The following RIN2 variants were observed in gnomAD, a reference collection of about 807,000 sequenced individuals.
RIN2 encodes RAB5 interacting protein 2.
Under a neutral mutation model 78.0 loss-of-function variants are expected in RIN2, and 36 were observed. The observed-to-expected ratio is 0.46, with a 90% CI of 0.35 to 0.61. RIN2 has a LOEUF of 0.61. Among genes scored for constraint, RIN2 ranks in the 20% least tolerant of loss-of-function variants. The pLI is 0.00. For synonymous variants in RIN2, 466 were observed against 466.8 expected (o/e 1.00, Z 0.02); for missense variants, 1,087 against 1,159.7 (o/e 0.94, Z 0.91).
At chr20:19,886,968 C>T (rs1330478318) in intron 2 of RIN2, among the ~76,000 whole-genome samples, 3 of 151,808 alleles carry the variant, frequency 2.0e-5, no homozygotes. Context: ...AAAACTATAG[C>T]TAACTATAGC....
chr20:19,977,269 T>G (rs995733166), intron 9 of RIN2, among the ~76,000 whole-genome samples: 1 of 152,188 alleles, frequency 6.6e-6, no homozygotes, highest in Non-Finnish European at 1.5e-5. Flanking sequence ...CCACAGTGCC[T>G]GGCCTTCCCT....
chr20:19,896,264 C>T lies in RIN2; in HGVS notation c.57+6606C>T, dbSNP rs186738015. On this transcript the variant is annotated intron_variant, in intron 3 of 12. Transcript: ENST00000255006. ...AGTGCAGTGACATGATCTTGGCTCG[C>T]GGCAGCCTCCGGCTCCCAGGTTCAA... 2.1e-3 allele frequency among the ~76,000 whole-genome samples: 323 copies of T among 152,142 alleles called. 1 individual carries two copies. The highest frequency in any genetic ancestry group is 3.4e-3 in the Middle Eastern group (1 of 294).
rs559785395 is a variant in RIN2, at chr20:19,806,707, G to A, written c.-37+6960G>A. On this transcript the variant is annotated intron_variant, in intron 2 of 12. Coordinates refer to ENST00000255006, the MANE Select transcript of RIN2 (RefSeq NM_018993.4). ...AGCACAGAAGTTTGAGATCAGCCTG[G>A]GTAACATGGTGAAACCTCATTTCTA... 2.0e-5 allele frequency among the ~76,000 whole-genome samples: 3 copies of A among 152,146 alleles called. No individual in the cohort carries two copies. In the East Asian group the frequency reaches 5.8e-4, roughly 29 times the overall value.
intron 12 of RIN2, among the ~76,000 whole-genome samples, chr20:19,999,513 G>A (rs1238281519): frequency 6.6e-6 from 1 of 152,196 alleles, no homozygotes; most frequent in African/African-American, 2.4e-5. Flanking sequence ...TCACTGCTGA[G>A]CAGGGTTGCC....
At chr20:19,902,605 G>A (rs2039033906) in intron 3 of RIN2, among the ~76,000 whole-genome samples, 1 of 152,192 alleles carries the variant, frequency 6.6e-6, no homozygotes, top group Non-Finnish European at 1.5e-5. Context: ...GAGGTTCTCA[G>A]TCCGAGGGAG....
chr20:19,933,040 C>T (rs917314167), intron 3 of RIN2, among the ~76,000 whole-genome samples: 6 of 152,088 alleles, frequency 3.9e-5, no homozygotes, highest in East Asian at 1.9e-4. Context: ...TAAATTCCCC[C>T]GTTCTTTCTA....
intron 2 of RIN2, chr20:19,823,755 G>A: frequency 6.3e-7 from 1 of 1,593,682 alleles, no homozygotes; most frequent in African/African-American, 1.3e-5. Context: ...TGTTCTGAAT[G>A]GTTAGTTTCA....
At chr20:19,812,136 GTT>G (rs1555824293) in intron 2 of RIN2, among the ~76,000 whole-genome samples, 1 of 151,852 alleles carries the variant, frequency 6.6e-6, no homozygotes, top group Non-Finnish European at 1.5e-5. Flanking sequence ...CATTTGGACT[GTT>G]TTTAATTTTA....
intron 1 of RIN2, among the ~76,000 whole-genome samples, chr20:19,790,159 T>C (rs573151617): frequency 6.6e-6 from 1 of 152,314 alleles, no homozygotes; most frequent in Non-Finnish European, 1.5e-5. Context: ...GACTTATTCA[T>C]TTGTCTCTAG....
intron 2 of RIN2, among the ~76,000 whole-genome samples, chr20:19,833,346 G>A (rs1245637114): frequency 6.6e-6 from 1 of 151,832 alleles, no homozygotes; most frequent in East Asian, 1.9e-4. Context: ...GGTTTGTTAC[G>A]TAGGTATACG....
chr20:19,787,413 A>G (rs990708499), intron 1 of RIN2, among the ~76,000 whole-genome samples: 2 of 142,386 alleles, frequency 1.4e-5, no homozygotes, highest in Admixed American at 1.4e-4. Context: ...ACAGAGCAAG[A>G]CTCCATCTTA....
intron 1 of RIN2, among the ~76,000 whole-genome samples, chr20:19,780,619 C>T (rs553013966): frequency 3.3e-5 from 5 of 152,268 alleles, no homozygotes; most frequent in African/African-American, 4.8e-5. Flanking sequence ...GGTGCTGAAA[C>T]GAAAGGCCAG....
At chr20:19,764,587 C>G (rs1329863458) in intron 1 of RIN2, among the ~76,000 whole-genome samples, 1 of 152,226 alleles carries the variant, frequency 6.6e-6, no homozygotes, top group Non-Finnish European at 1.5e-5. Context: ...TATACAAAAT[C>G]TTTAACCTTT....
rs577212037 is a variant in RIN2 at position 19,803,596 on chromosome 20, A to G, written c.-37+3849A>G. ...TACCTTACACAAAAATCAACTCAAG[A>G]TGGATTAAAGACTTAAATGTAAAAC... On this transcript the variant is annotated intron_variant, in intron 2 of 12. Coordinates refer to ENST00000255006, the MANE Select transcript of RIN2 (RefSeq NM_018993.4). 9.7e-4 allele frequency among the ~76,000 whole-genome samples: 148 copies of G among 152,334 alleles called. 1 individual carries two copies. The highest frequency in any genetic ancestry group is 1.7e-3 in the South Asian group (8 of 4,824).
chr20:19,938,032 T>C (rs2146136907), intron 4 of RIN2, among the ~76,000 whole-genome samples: 1 of 152,348 alleles, frequency 6.6e-6, no homozygotes, highest in East Asian at 1.9e-4. Flanking sequence ...ATGGTCCATC[T>C]GCCCTCCTTT....
chr20:19,901,856 C>T (rs1331904517), intron 3 of RIN2, among the ~76,000 whole-genome samples: 2 of 151,706 alleles, frequency 1.3e-5, no homozygotes, highest in Non-Finnish European at 2.9e-5. Flanking sequence ...GTCTCTACTA[C>T]AGACACAAAA....
At chr20:19,764,949 A>C (rs2033822578) in intron 1 of RIN2, among the ~76,000 whole-genome samples, 2 of 24,202 alleles carry the variant, frequency 8.3e-5, no homozygotes, top group Admixed American at 6.9e-4. Context: ...TTTTTGACAG[A>C]GTCTTGCTCT....
intron 3 of RIN2, 100 bp downstream of exon 3, chr20:19,889,758 G>T (rs2038358985): frequency 4.2e-6 from 4 of 947,704 alleles, no homozygotes; most frequent in Non-Finnish European, 4.6e-6. Flanking sequence ...TCTGCTCTCT[G>T]AGCCAGCACC....
At position 19,975,115 on chromosome 20, in the gene RIN2, C is replaced by G; in HGVS notation, c.1090C>G (p.Gln364Glu). 1 of 1,613,408 alleles carries G rather than the reference C, an allele frequency of 6.2e-7. No homozygotes were observed. The highest frequency in any genetic ancestry group is 8.5e-7 in the Non-Finnish European group (1 of 1,179,884). The change falls in exon 9 of 13, where the codon CAG becomes GAG. Residue 364 changes from glutamine (Q) to glutamate (E), a missense_variant. Coordinates refer to ENST00000255006, the MANE Select transcript of RIN2 (RefSeq NM_018993.4). This position sits in a 1 kb window ranked among gnomAD's most constrained non-coding sequence, Gnocchi z 4.9. ...CATCCCTCCACCCCGGCTGAAGAAGCAGGCTTCTTTTCTGGAAGCAGAGGG... is the reference window on the plus strand; with the variant it reads ...CATCCCTCCACCCCGGCTGAAGAAGGAGGCTTCTTTTCTGGAAGCAGAGGG... ...TPIPPPRLKK[Q>E]ASFLEAEGGA...
Sources: allele counts gnomAD v4.1 joint callset (sites outside exome capture counted in the v4.1 genomes callset), GRCh38; gene constraint gnomAD v4.1.1; non-coding constraint Gnocchi (gnomAD v3.1); transcripts MANE v1.5; gene names NCBI Gene and HGNC (gene_info 2026-07-23, HGNC 2026-07-21).